Variants in OSBP2 observed in about 807,000 individuals in gnomAD.
OSBP2 encodes oxysterol-binding protein 2.
Under a neutral mutation model 96.0 loss-of-function variants are expected in OSBP2, and 66 were observed. That is an observed-to-expected ratio of 0.69 (90% CI 0.56 to 0.84). The LOEUF (loss-of-function observed/expected upper bound fraction) is 0.84, where lower values mean the gene tolerates loss of function less well. OSBP2 is among the 40% of genes least tolerant of loss of function. OSBP2 has a pLI of 0.00. For synonymous variants in OSBP2, 525 were observed against 520.9 expected (o/e 1.01, Z -0.11); for missense variants, 1,038 against 1,222.7 (o/e 0.85, Z 2.25).
At position 30,885,957 on chromosome 22, in the gene OSBP2, G is replaced by C. The variant is rs564518570; in HGVS notation, c.1108-1469G>C. 5.3e-5 allele frequency among the ~76,000 whole-genome samples: 8 copies of C among 152,344 alleles called. No individual in the cohort carries two copies. The South Asian group carries it at 8.3e-4, about 16-fold the overall frequency. On this transcript the variant is annotated intron_variant, in intron 3 of 13. Transcript: ENST00000332585. ...TCCCACATCCCCAAGGAGGCCAAAG[G>C]GGGCAGTAAGCATGTTTGTGACCAT...
chr22:30,809,576 C>T (rs1602295586), intron 2 of OSBP2, among the ~76,000 whole-genome samples: 1 of 152,156 alleles, frequency 6.6e-6, no homozygotes, highest in Non-Finnish European at 1.5e-5. Context: ...GAGCCAAGGC[C>T]TGGGACTGGG....
In OSBP2 at chr22:30,748,712, TC is replaced by T. The variant is rs1165879879; in HGVS notation, c.853+7344del. 2.6e-5 allele frequency among the ~76,000 whole-genome samples: 4 copies of T among 152,156 alleles called. No homozygotes were observed. The South Asian group carries it at 6.2e-4, about 24-fold the overall frequency. On this transcript the variant is annotated intron_variant, in intron 2 of 13. Transcript: ENST00000332585. ...TCTTGAATCTGTCGCAGGAAAGAAA[TC>T]AAGGCAAGTCACAGAGTGAAGTTAA... is the stretch of plus-strand genomic sequence containing the variant.
chr22:30,792,050 G>A (rs561924956), intron 2 of OSBP2, among the ~76,000 whole-genome samples: 5 of 152,312 alleles, frequency 3.3e-5, no homozygotes, highest in Non-Finnish European at 7.3e-5. Context: ...AGTGGCTCAT[G>A]CCTGTAATCC....
At chr22:30,867,982 A>G (rs1335047120) in intron 2 of OSBP2, among the ~76,000 whole-genome samples, 1 of 152,256 alleles carries the variant, frequency 6.6e-6, no homozygotes, top group Non-Finnish European at 1.5e-5. Flanking sequence ...CGTGTGCCTC[A>G]GGGACAGGTG....
intron 2 of OSBP2, among the ~76,000 whole-genome samples, chr22:30,816,744 C>T (rs1224315787): frequency 6.6e-6 from 1 of 152,096 alleles, no homozygotes; most frequent in Non-Finnish European, 1.5e-5. Flanking sequence ...TCATTCTTTT[C>T]CTTTTCTTTT....
intron 1 of OSBP2, among the ~76,000 whole-genome samples, chr22:30,730,082 C>T (rs1274789879): frequency 6.6e-6 from 1 of 152,014 alleles, no homozygotes; most frequent in Non-Finnish European, 1.5e-5. Context: ...CGTGTCTCAG[C>T]CTTCCAAGTA....
intron 2 of OSBP2, among the ~76,000 whole-genome samples, chr22:30,811,706 C>T (rs136246): frequency 6.6e-6 from 1 of 151,494 alleles, no homozygotes; most frequent in South Asian, 2.1e-4. Flanking sequence ...AGGCGCCCAC[C>T]ACCACACCCG....
chr22:30,874,494 G>C (rs1263962368), intron 3 of OSBP2, among the ~76,000 whole-genome samples: 8 of 152,086 alleles, frequency 5.3e-5, no homozygotes, highest in African/African-American at 1.9e-4. Context: ...GATATCATAA[G>C]CCTTTAGGTC....
chr22:30,875,221 C>T (rs1350096501), intron 3 of OSBP2, among the ~76,000 whole-genome samples: 1 of 152,178 alleles, frequency 6.6e-6, no homozygotes, highest in East Asian at 1.9e-4. Context: ...ACCCCGCACC[C>T]CCCTGCACTC....
intron 2 of OSBP2, among the ~76,000 whole-genome samples, chr22:30,763,164 C>T (rs932023670): frequency 2.0e-5 from 3 of 152,186 alleles, no homozygotes; most frequent in South Asian, 2.1e-4. Flanking sequence ...TCTTGGCACA[C>T]GGCTTGGCAA....
intron 1 of OSBP2, among the ~76,000 whole-genome samples, chr22:30,724,166 T>G (rs1433496707): frequency 6.6e-6 from 1 of 152,212 alleles, no homozygotes; most frequent in Non-Finnish European, 1.5e-5. Flanking sequence ...CTTTTTGGAT[T>G]GGCTTTTTTC....
Position 30,695,216 on chromosome 22 carries a change from G to A in OSBP2, c.307G>A (p.Gly103Arg), listed in dbSNP as rs751841513. The A allele has an allele frequency of 1.7e-5, 28 of 1,613,130 alleles. No individual in the cohort carries two copies. The highest frequency in any genetic ancestry group is 2.4e-5 in the Non-Finnish European group (28 of 1,179,662). The change falls in exon 1 of 14, where the codon GGG becomes AGG. Residue 103 changes from glycine (G) to arginine (R), a missense_variant. Physicochemically the swap from Gly to Arg is moderately radical, Grantham distance 125 (BLOSUM62 -2). Coordinates refer to ENST00000332585, the MANE Select transcript of OSBP2 (RefSeq NM_030758.4). ...TGGGCAGCCATCGGAACTGCTGCAG[G>A]GGTCGCGGCCGGGGTCAGAGTCAAG... The part of the protein sequence containing the change: ...GAGQPSELLQ[G>R]SRPGSESSSG...
At chr22:30,745,977 C>T (rs992533766) in intron 2 of OSBP2, among the ~76,000 whole-genome samples, 1 of 152,106 alleles carries the variant, frequency 6.6e-6, no homozygotes, top group East Asian at 1.9e-4. Context: ...CTTAGAAACA[C>T]TCAAATTACA....
At chr22:30,843,106 G>C (rs1461547758) in intron 2 of OSBP2, among the ~76,000 whole-genome samples, 1 of 152,042 alleles carries the variant, frequency 6.6e-6, no homozygotes, top group East Asian at 1.9e-4. Context: ...ATATCTTGAG[G>C]CTCCACTTCT....
chr22:30,717,877 G>A (rs1277749001), intron 1 of OSBP2, among the ~76,000 whole-genome samples: 1 of 152,152 alleles, frequency 6.6e-6, no homozygotes, highest in Non-Finnish European at 1.5e-5. Context: ...GAGGGTGGGC[G>A]GGAGTTAGAA....
Position 30,695,425 on chromosome 22 carries a change from C to T in OSBP2, c.516C>T (p.Thr172=), listed in dbSNP as rs2089009955. The change falls in exon 1 of 14, where the codon ACC becomes ACT. Residue 172 remains threonine, a synonymous_variant. Coordinates refer to ENST00000332585, the MANE Select transcript of OSBP2 (RefSeq NM_030758.4). ...LGVPMSGTGT[T]SSAPLALLPL... is the part of the protein sequence containing the mutation. ...TTCCAATGTCGGGGACTGGCACGACCTCCAGTGCCCCACTGGCCTTACTGC... is the reference window on the plus strand; with the variant it reads ...TTCCAATGTCGGGGACTGGCACGACTTCCAGTGCCCCACTGGCCTTACTGC... The T allele has an allele frequency of 6.2e-7, 1 of 1,613,582 alleles. No homozygotes were observed. The highest frequency in any genetic ancestry group is 1.3e-5 in the African/African-American group (1 of 74,958).
intron 2 of OSBP2, among the ~76,000 whole-genome samples, chr22:30,837,165 G>A (rs191762781): frequency 3.8e-4 from 57 of 152,000 alleles, no homozygotes; most frequent in African/African-American, 1.1e-3. Context: ...GGGAGGCTGA[G>A]GCAGGAGAAT....
At chr22:30,725,148 C>T (rs2089621503) in intron 1 of OSBP2, among the ~76,000 whole-genome samples, 1 of 147,626 alleles carries the variant, frequency 6.8e-6, no homozygotes. Flanking sequence ...TGCACTCCAG[C>T]CTGGGTGACA....
intron 2 of OSBP2, among the ~76,000 whole-genome samples, chr22:30,845,670 T>C (rs2038853847): frequency 6.6e-6 from 1 of 151,018 alleles, no homozygotes; most frequent in Admixed American, 6.6e-5. Context: ...GATCATGAGG[T>C]CAGGAGTTCG....
Sources: allele counts gnomAD v4.1 joint callset (sites outside exome capture counted in the v4.1 genomes callset), GRCh38; gene constraint gnomAD v4.1.1; transcripts MANE v1.5; gene names NCBI Gene and HGNC (gene_info 2026-07-23, HGNC 2026-07-21).